The following ZNF33B variants were observed in gnomAD, a reference collection of about 807,000 sequenced individuals.
The protein encoded by ZNF33B is zinc finger protein 33B.
A neutral mutation model predicts 45.8 loss-of-function variants in ZNF33B; 29 were observed. The observed-to-expected ratio is 0.63, with a 90% CI of 0.47 to 0.86. ZNF33B has a LOEUF of 0.86. Ranked by LOEUF, ZNF33B falls within the 40% of genes least tolerant of loss-of-function variation. The probability of loss-of-function intolerance (pLI) is 0.00; values close to 1 mark genes in which losing one functional copy is unlikely to be tolerated. For synonymous variants in ZNF33B, 305 were observed against 307.8 expected, an observed-to-expected ratio of 0.99 and a Z score of 0.10; for missense variants, 831 against 909.9, an observed-to-expected ratio of 0.91 and a Z score of 1.12.
At chr10:42,638,275 G>C (rs148878644) in intron 1 of ZNF33B, among the ~76,000 whole-genome samples, 199 bp downstream of exon 1, 12 of 152,254 alleles carry the variant, frequency 7.9e-5, no homozygotes, top group African/African-American at 2.7e-4. Context: ...CGCACAGGGC[G>C]TAGCCCGCTC....
At chr10:42,634,201 T>TC (rs2132170671) in intron 2 of ZNF33B, among the ~76,000 whole-genome samples, 1 of 151,558 alleles carries the variant, frequency 6.6e-6, no homozygotes, top group Non-Finnish European at 1.5e-5. Context: ...GGTCAGGAGT[T>TC]CAAGACTAGC....
At chr10:42,581,622 T>G (rs1254363016) in intron 1 of ZNF33B, 1 of 152,174 alleles carries the variant, frequency 6.6e-6, no homozygotes, top group African/African-American at 2.4e-5. Context: ...ACTAATGTAT[T>G]TGTTGCCCCC....
chr10:42,638,273 GC>G (rs1803838194), intron 1 of ZNF33B, among the ~76,000 whole-genome samples, 200 bp downstream of exon 1: 1 of 152,278 alleles, frequency 6.6e-6, no homozygotes, highest in African/African-American at 2.4e-5. Flanking sequence ...AACGCACAGG[GC>G]GTAGCCCGCT....
chr10:42,585,725 T>A (rs1420872323), downstream of ZNF33B, among the ~76,000 whole-genome samples: 1 of 152,236 alleles, frequency 6.6e-6, no homozygotes, highest in Non-Finnish European at 1.5e-5. Context: ...ACTGTTAGCA[T>A]TATGTATATA....
At position 42,593,627 on chromosome 10, in the gene ZNF33B, A is replaced by C; in HGVS notation, c.1323T>G (p.Tyr441Ter). 6.2e-7 allele frequency: 1 copy of C among 1,614,052 alleles called. No homozygotes were observed. The highest frequency in any genetic ancestry group is 8.5e-7 in the Non-Finnish European group (1 of 1,179,956). ...HQRTHTGQKPYECYECGKSFC... is the reference protein window; with the variant it reads ...HQRTHTGQKP ...AGGATTTTCCACATTCATAACATTC[A>C]TAGGGTTTCTGCCCTGTGTGTGTTC... Residue 441 changes from tyrosine (Y) to a stop codon, truncating the protein, a stop_gained, in exon 5 of 5, where the codon TAT (tyrosine) becomes TAG (stop). Coordinates refer to ENST00000359467, the MANE Select transcript of ZNF33B (RefSeq NM_006955.3). LOFTEE classifies it high-confidence loss of function.
At position 42,589,124 on chromosome 10, in the gene ZNF33B, CTTAT is replaced by C. The variant is rs1589015763; in HGVS notation, c.*3485_*3488del. ...TTCCTCAGGGTTGGTTGGTTATTTA[CTTAT>C]TTATTTACTTAATACACTTCATTTT... On this transcript the variant is annotated 3_prime_UTR_variant, in exon 5 of 5. Transcript: ENST00000359467. 1 of 308,994 alleles carries C rather than the reference CTTAT, an allele frequency of 3.2e-6. No homozygotes were observed. Among genetic ancestry groups the C allele is most frequent in the African/African-American group, 2.3e-5 (1 of 44,432 alleles). 19.1% of individuals were successfully genotyped at this position (308,994 alleles called of 1,614,324 possible).
chr10:42,626,545 G>A lies in ZNF33B; in HGVS notation c.250+5384C>T, dbSNP rs114764474. On this transcript the variant is annotated intron_variant, in intron 4 of 4. Transcript: ENST00000359467. The stretch of plus-strand genomic sequence containing the variant: ...TTTACTAAAAATACAAAAATTAGCC[G>A]AGCATGGTCGCATGCGCCTGTAGTC... Among the ~76,000 whole-genome samples, 370 of 152,100 alleles carry A rather than the reference G, an allele frequency of 2.4e-3. 2 individuals are homozygous for A. The highest frequency in any genetic ancestry group is 0.014 in the Middle Eastern group (4 of 294).
At chr10:42,586,641 A>G (rs1188628447), downstream of ZNF33B, among the ~76,000 whole-genome samples, 1 of 152,218 alleles carries the variant, frequency 6.6e-6, no homozygotes, top group Non-Finnish European at 1.5e-5. Flanking sequence ...ACACACACAC[A>G]GTCATAATAG....
chr10:42,638,515 T>C lies in ZNF33B; in HGVS notation c.-86A>G, dbSNP rs1839452384. ...GTTGCATTCGCCATAAGAGAGCCGG[T>C]AGACCCCTGAAATCCCGGGACCGCC... On this transcript the variant is annotated 5_prime_UTR_variant, in exon 1 of 5. Coordinates refer to ENST00000359467, the MANE Select transcript of ZNF33B (RefSeq NM_006955.3). The C allele has an allele frequency of 4.1e-6, 2 of 483,184 alleles. No individual in the cohort carries two copies. The highest frequency in any genetic ancestry group is 8.3e-6 in the Non-Finnish European group (2 of 242,090). The allele number at this position is 483,184 out of a possible 1,614,324, so 29.9% of individuals were successfully genotyped here.
At chr10:42,602,392 C>T (rs158371) in intron 4 of ZNF33B, among the ~76,000 whole-genome samples, 4,621 of 151,740 alleles carry the variant, frequency 0.03, 201 homozygotes, top group East Asian at 0.13. Flanking sequence ...TTCAATGAAC[C>T]TGTCAGTTAA....
At chr10:42,613,196 G>T (rs1367604381) in intron 4 of ZNF33B, among the ~76,000 whole-genome samples, 1 of 152,142 alleles carries the variant, frequency 6.6e-6, no homozygotes, top group Non-Finnish European at 1.5e-5. Flanking sequence ...TTTTCCACAT[G>T]GGTATGATTA....
chr10:42,625,177 G>A (rs1330742854), intron 4 of ZNF33B, among the ~76,000 whole-genome samples: 2 of 151,870 alleles, frequency 1.3e-5, no homozygotes, highest in African/African-American at 4.8e-5. Context: ...GAGAGAACTG[G>A]CCTACTTACA....
intron 4 of ZNF33B, among the ~76,000 whole-genome samples, chr10:42,623,729 C>T (rs1374445361): frequency 6.6e-6 from 1 of 152,120 alleles, no homozygotes; most frequent in Non-Finnish European, 1.5e-5. Flanking sequence ...TGAAATAATG[C>T]AAATGTTTTA....
At chr10:42,625,391 A>G (rs1313517470) in intron 4 of ZNF33B, among the ~76,000 whole-genome samples, 1 of 152,204 alleles carries the variant, frequency 6.6e-6, no homozygotes, top group Non-Finnish European at 1.5e-5. Context: ...TGTTAGTGGA[A>G]AGAAATTGAT....
At chr10:42,583,253 A>T (rs1213659001) in intron 1 of ZNF33B, 1 of 605,346 alleles carries the variant, frequency 1.7e-6, no homozygotes, top group East Asian at 3.1e-5. Context: ...GGGAGACAAA[A>T]GTGATGCCAT....
intron 4 of ZNF33B, among the ~76,000 whole-genome samples, chr10:42,602,486 T>C (rs930768682): frequency 1.3e-5 from 2 of 152,212 alleles, no homozygotes; most frequent in African/African-American, 2.4e-5. Flanking sequence ...CATATGTCTG[T>C]AAGTCTGGAA....
intron 4 of ZNF33B, among the ~76,000 whole-genome samples, chr10:42,624,162 C>T (rs993482350): frequency 6.6e-6 from 1 of 152,138 alleles, no homozygotes; most frequent in Non-Finnish European, 1.5e-5. Context: ...TCCTGTAAGG[C>T]ACTAACCTCA....
rs566125151 is a variant in ZNF33B at position 42,604,040 on chromosome 10, A to G, written c.251-9341T>C. On this transcript the variant is annotated intron_variant, in intron 4 of 4. Transcript: ENST00000359467. ...TTCTTCAACAAAAAAATTACAACAC[A>G]TACAAAGAAACAGGAGACTGTCATC... Among the ~76,000 whole-genome samples the G allele has an allele frequency of 2.0e-5, 3 of 152,366 alleles. No individual in the cohort carries two copies. The East Asian group carries it at 5.8e-4, about 29-fold the overall frequency.
intron 4 of ZNF33B, among the ~76,000 whole-genome samples, chr10:42,607,523 AC>A (rs1837913508): frequency 6.6e-6 from 1 of 152,158 alleles, no homozygotes; most frequent in Non-Finnish European, 1.5e-5. Flanking sequence ...TACCCTCAAA[AC>A]CTATAAAAAT....
Sources: allele counts gnomAD v4.1 joint callset (sites outside exome capture counted in the v4.1 genomes callset), GRCh38; gene constraint gnomAD v4.1.1; transcripts MANE v1.5; gene names NCBI Gene and HGNC (gene_info 2026-07-23, HGNC 2026-07-21).